The following CACNG2 variants were observed in gnomAD, a reference collection of about 807,000 sequenced individuals.
CACNG2 encodes voltage-dependent calcium channel gamma-2 subunit.
Under a neutral mutation model 25.9 loss-of-function variants are expected in CACNG2, and 3 were observed. The observed-to-expected ratio is 0.12, with a 90% CI of 0.05 to 0.30. The LOEUF (loss-of-function observed/expected upper bound fraction) is 0.30. Among genes scored for constraint, CACNG2 ranks in the 10% least tolerant of loss-of-function variants. The pLI is 1.00. For missense variants in CACNG2, 341 were observed against 432.5 expected (o/e 0.79, Z 1.88); for synonymous variants, 167 against 173.3 (o/e 0.96, Z 0.29).
At chr22:36,616,504 C>G (rs138606709) in intron 1 of CACNG2, among the ~76,000 whole-genome samples, 1 of 152,160 alleles carries the variant, frequency 6.6e-6, no homozygotes, top group Admixed American at 6.5e-5. Flanking sequence ...GTCTCCCCAG[C>G]GAGAGTGTAA....
chr22:36,669,167 A>T (rs1446848500), intron 1 of CACNG2, among the ~76,000 whole-genome samples: 1 of 152,042 alleles, frequency 6.6e-6, no homozygotes, highest in African/African-American at 2.4e-5. Context: ...TATCTCCCAG[A>T]CATCCTTGAA....
At chr22:36,578,665 G>A (rs1935364775) in intron 2 of CACNG2, among the ~76,000 whole-genome samples, 1 of 152,198 alleles carries the variant, frequency 6.6e-6, no homozygotes, top group Non-Finnish European at 1.5e-5. Flanking sequence ...ATGGGAAGGA[G>A]GGACACTGTC....
At chr22:36,567,615 T>A (rs1185121688) in intron 2 of CACNG2, among the ~76,000 whole-genome samples, 1 of 143,430 alleles carries the variant, frequency 7.0e-6, no homozygotes, top group African/African-American at 2.6e-5. Context: ...GACAGGTGGC[T>A]AAGGGCAGAG....
chr22:36,631,212 C>T (rs955035438), intron 1 of CACNG2, among the ~76,000 whole-genome samples: 2 of 152,148 alleles, frequency 1.3e-5, no homozygotes, highest in Admixed American at 1.3e-4. Flanking sequence ...GACAAGGGAG[C>T]TCCTGTTCCC....
chr22:36,599,300 T>A (rs1935720580), intron 1 of CACNG2, among the ~76,000 whole-genome samples: 1 of 152,202 alleles, frequency 6.6e-6, no homozygotes, highest in South Asian at 2.1e-4. Flanking sequence ...GCATATGGTA[T>A]GATTCCATTT....
At chr22:36,655,339 C>T (rs1343732594) in intron 1 of CACNG2, among the ~76,000 whole-genome samples, 1 of 152,124 alleles carries the variant, frequency 6.6e-6, no homozygotes, top group Non-Finnish European at 1.5e-5. Flanking sequence ...ACAATTAAAG[C>T]CTCGATCAAG....
chr22:36,685,363 C>G (rs1937182083), intron 1 of CACNG2, among the ~76,000 whole-genome samples: 1 of 152,186 alleles, frequency 6.6e-6, no homozygotes, highest in Non-Finnish European at 1.5e-5. Context: ...GCTCTTTCCC[C>G]ACCCTGTGCC....
At chr22:36,577,652 A>G (rs1264676330) in intron 2 of CACNG2, among the ~76,000 whole-genome samples, 4 of 65,430 alleles carry the variant, frequency 6.1e-5, no homozygotes, top group African/African-American at 2.4e-4. Flanking sequence ...CCGTCTTGGA[A>G]AAAAAAAAAA....
chr22:36,651,923 G>C (rs1569041141), intron 1 of CACNG2, among the ~76,000 whole-genome samples: 1 of 151,990 alleles, frequency 6.6e-6, no homozygotes, highest in Non-Finnish European at 1.5e-5. Context: ...GAGTGCAGTG[G>C]CGTGATCTCG....
intron 1 of CACNG2, among the ~76,000 whole-genome samples, chr22:36,696,213 G>A (rs554166183): frequency 1.5e-4 from 23 of 152,132 alleles, no homozygotes; most frequent in African/African-American, 5.1e-4. Context: ...TTGCACCCCC[G>A]GCGCTTTCTT....
rs139313996 is a variant in CACNG2 at position 36,674,351 on chromosome 22, C to T, written c.211+28015G>A. ...TTTTTTGCTTGCTTTTTTTTTGAGA[C>T]GGAGTCTCCCTCTGTCACCCAGGCT... On this transcript the variant is annotated intron_variant, in intron 1 of 3. Transcript: ENST00000300105. 2.5e-3 allele frequency among the ~76,000 whole-genome samples: 382 copies of T among 152,118 alleles called. 1 individual carries two copies. Among genetic ancestry groups the T allele is most frequent in the African/African-American group, 8.5e-3 (352 of 41,518 alleles).
At chr22:36,585,953 A>C (rs751934077) in intron 2 of CACNG2, among the ~76,000 whole-genome samples, 12 of 152,280 alleles carry the variant, frequency 7.9e-5, no homozygotes, top group Non-Finnish European at 4.4e-5. Context: ...AATGAATGAG[A>C]CAAGTTTTCT....
At position 36,693,709 on chromosome 22, in the gene CACNG2, C is replaced by A. The variant is rs368506360; in HGVS notation, c.211+8657G>T. Among the ~76,000 whole-genome samples the A allele has an allele frequency of 6.6e-5, 10 of 152,308 alleles. 1 individual carries two copies. In the South Asian group the frequency reaches 1.0e-3, roughly 16 times the overall value. On this transcript the variant is annotated intron_variant, in intron 1 of 3. Transcript: ENST00000300105. ...GACCATTGGCATTGCCAATGCCCAACATATGGGCATCTGTTTCTGCACATG... is the reference window on the plus strand; with the variant it reads ...GACCATTGGCATTGCCAATGCCCAAAATATGGGCATCTGTTTCTGCACATG...
chr22:36,662,392 A>G (rs190124387), intron 1 of CACNG2, among the ~76,000 whole-genome samples: 24 of 151,484 alleles, frequency 1.6e-4, no homozygotes, highest in African/African-American at 5.8e-4. Context: ...CAGTTCATTC[A>G]CTCCTTCATC....
intron 1 of CACNG2, among the ~76,000 whole-genome samples, chr22:36,639,729 G>T (rs1041449024): frequency 1.3e-5 from 2 of 152,228 alleles, no homozygotes; most frequent in African/African-American, 4.8e-5. Flanking sequence ...GGAGTTGGCA[G>T]CTGTGGTTTC....
chr22:36,660,906 C>T (rs1476940063), intron 1 of CACNG2, among the ~76,000 whole-genome samples: 1 of 152,178 alleles, frequency 6.6e-6, no homozygotes, highest in African/African-American at 2.4e-5. Flanking sequence ...CCTCAGTTTC[C>T]TCATGTGAAA....
At chr22:36,615,845 G>A (rs1216793372) in intron 1 of CACNG2, among the ~76,000 whole-genome samples, 1 of 152,112 alleles carries the variant, frequency 6.6e-6, no homozygotes, top group Non-Finnish European at 1.5e-5. Flanking sequence ...AATAGTGTTA[G>A]TTAAAAAAAT....
intron 1 of CACNG2, among the ~76,000 whole-genome samples, 195 bp downstream of exon 1, chr22:36,702,171 G>A (rs768400735): frequency 2.2e-4 from 33 of 151,978 alleles, no homozygotes; most frequent in Non-Finnish European, 3.4e-4. Flanking sequence ...GCGGAGGCGA[G>A]GGAGTAGAGT....
chr22:36,566,870 T>A (rs1466358944), intron 2 of CACNG2, among the ~76,000 whole-genome samples: 2 of 152,238 alleles, frequency 1.3e-5, no homozygotes, highest in African/African-American at 4.8e-5. Flanking sequence ...CAGAGCTTCC[T>A]ACTGGAATGT....
Sources: gnomAD v4.1 joint callset for allele counts (sites outside exome capture counted in the v4.1 genomes callset) on GRCh38, gnomAD v4.1.1 for gene constraint, MANE v1.5 for transcripts, NCBI Gene and HGNC (gene_info 2026-07-23, HGNC 2026-07-21) for gene names.